The following CDH20 variants were observed in gnomAD, a reference collection of about 807,000 sequenced individuals.
CDH20 encodes the protein cadherin 20.
Under a neutral mutation model 74.2 loss-of-function variants are expected in CDH20, and 29 were observed. The observed-to-expected ratio is 0.39, with a 90% CI of 0.29 to 0.53. CDH20 has a LOEUF of 0.53. CDH20 is among the 20% of genes least tolerant of loss of function. The pLI, the probability that CDH20 is intolerant of heterozygous loss-of-function variation, is 0.69. For synonymous variants in CDH20, 469 were observed against 405.4 expected (o/e 1.16, Z -1.88); for missense variants, 988 against 1,048.3 (o/e 0.94, Z 0.79).
At position 61,403,988 on chromosome 18, in the gene CDH20, A is replaced by G. The variant is rs558761702; in HGVS notation, c.-153+70161A>G. 4.3e-3 allele frequency among the ~76,000 whole-genome samples: 656 copies of G among 152,320 alleles called. 2 individuals carry two copies. The highest frequency in any genetic ancestry group is 0.024 in the Middle Eastern group (7 of 294). ...CTGCAGACTAACGTGGGAACAGAAA[A>G]CCAAACAACACATGTTCTCACTTAT... On this transcript the variant is annotated intron_variant, in intron 1 of 11. Transcript: ENST00000262717.
chr18:61,481,804 C>T (rs1265131634), intron 1 of CDH20, among the ~76,000 whole-genome samples: 1 of 152,104 alleles, frequency 6.6e-6, no homozygotes, highest in Non-Finnish European at 1.5e-5. Context: ...CCATACCCAG[C>T]CTTCCAAAGT....
chr18:61,545,547 G>A (rs963191426), intron 10 of CDH20, among the ~76,000 whole-genome samples: 3 of 152,110 alleles, frequency 2.0e-5, no homozygotes, highest in Non-Finnish European at 2.9e-5. Flanking sequence ...AAGCACAGAG[G>A]CAAAATCCTT....
intron 1 of CDH20, among the ~76,000 whole-genome samples, chr18:61,421,157 CATT>C (rs1912864116): frequency 6.6e-6 from 1 of 152,160 alleles, no homozygotes; most frequent in Non-Finnish European, 1.5e-5. Context: ...TTAAACTTGA[CATT>C]ATTTGATCAA....
intron 1 of CDH20, among the ~76,000 whole-genome samples, chr18:61,464,756 G>A (rs1254073424): frequency 6.6e-6 from 1 of 152,186 alleles, no homozygotes; most frequent in Non-Finnish European, 1.5e-5. Context: ...CTAGGACTAG[G>A]AGGAAACATT....
chr18:61,376,812 C>G (rs1911249971), intron 1 of CDH20, among the ~76,000 whole-genome samples: 1 of 152,038 alleles, frequency 6.6e-6, no homozygotes, highest in Non-Finnish European at 1.5e-5. Flanking sequence ...TAACAGCTTT[C>G]ACAAGGTCAG....
At chr18:61,400,522 T>C (rs756948730) in intron 1 of CDH20, among the ~76,000 whole-genome samples, 20 of 152,176 alleles carry the variant, frequency 1.3e-4, no homozygotes, top group Non-Finnish European at 2.9e-5. Context: ...GGAATGTCTA[T>C]CAAACCTAGA....
At chr18:61,422,667 CTTTTGA>C (rs1329066491) in intron 1 of CDH20, among the ~76,000 whole-genome samples, 1 of 151,734 alleles carries the variant, frequency 6.6e-6, no homozygotes, top group East Asian at 1.9e-4. Context: ...ATACTGTGAG[CTTTTGA>C]TTACATGACA....
At chr18:61,455,379 C>T (rs1909538682) in intron 1 of CDH20, among the ~76,000 whole-genome samples, 1 of 152,072 alleles carries the variant, frequency 6.6e-6, no homozygotes, top group Non-Finnish European at 1.5e-5. Context: ...TTTAATAGAC[C>T]AGTTTGTAAG....
At chr18:61,510,618 CA>C (rs1042491792) in intron 6 of CDH20, among the ~76,000 whole-genome samples, 6 of 152,100 alleles carry the variant, frequency 3.9e-5, no homozygotes, top group African/African-American at 1.4e-4. Context: ...TCAATCACAG[CA>C]AAGGAACAGA....
At chr18:61,360,708 G>T (rs950812838) in intron 1 of CDH20, among the ~76,000 whole-genome samples, 1 of 152,178 alleles carries the variant, frequency 6.6e-6, no homozygotes, top group East Asian at 1.9e-4. Context: ...AATAGTCCAG[G>T]GAGAAGGAAC....
chr18:61,538,596 G>GTTT (rs533711893), intron 8 of CDH20, among the ~76,000 whole-genome samples: 2 of 24,516 alleles, frequency 8.2e-5, no homozygotes, highest in Non-Finnish European at 1.9e-4. Flanking sequence ...TTGTTTGTTT[G>GTTT]TTTTTGTTTT....
At chr18:61,376,343 CA>C (rs1257436178) in intron 1 of CDH20, among the ~76,000 whole-genome samples, 11 of 152,050 alleles carry the variant, frequency 7.2e-5, no homozygotes, top group African/African-American at 2.7e-4. Context: ...CATTTTGATA[CA>C]AAATTTACCT....
At chr18:61,413,370 C>A (rs1470664056) in intron 1 of CDH20, among the ~76,000 whole-genome samples, 1 of 151,922 alleles carries the variant, frequency 6.6e-6, no homozygotes, top group East Asian at 1.9e-4. Context: ...ATTTTTTAAC[C>A]AAAGGATCAA....
chr18:61,366,705 G>T (rs772203430), intron 1 of CDH20, among the ~76,000 whole-genome samples: 7 of 152,056 alleles, frequency 4.6e-5, no homozygotes, highest in Non-Finnish European at 1.5e-5. Flanking sequence ...GCTACTTGAA[G>T]ATTTATAATG....
chr18:61,549,872 C>T, intron 10 of CDH20, 106 bp from the exon 11 acceptor site: 2 of 1,177,254 alleles, frequency 1.7e-6, no homozygotes, highest in Admixed American at 2.0e-5. Flanking sequence ...GAATATCTGA[C>T]TATCCTCTTT....
chr18:61,379,746 G>T (rs1274609868), intron 1 of CDH20, among the ~76,000 whole-genome samples: 1 of 152,102 alleles, frequency 6.6e-6, no homozygotes, highest in African/African-American at 2.4e-5. Flanking sequence ...AAATAGTATT[G>T]TTGGAGTGTC....
chr18:61,407,685 T>C (rs1299191872), intron 1 of CDH20, among the ~76,000 whole-genome samples: 1 of 152,228 alleles, frequency 6.6e-6, no homozygotes, highest in African/African-American at 2.4e-5. Context: ...GTGATAATTC[T>C]TGTTAAAAAT....
intron 1 of CDH20, among the ~76,000 whole-genome samples, chr18:61,461,609 G>A (rs1280837732): frequency 6.6e-6 from 1 of 152,164 alleles, no homozygotes; most frequent in Non-Finnish European, 1.5e-5. Flanking sequence ...AGGGTGTCCA[G>A]GTTCTTGGCA....
At chr18:61,388,837 A>G (rs1911680987) in intron 1 of CDH20, among the ~76,000 whole-genome samples, 1 of 152,180 alleles carries the variant, frequency 6.6e-6, no homozygotes, top group East Asian at 1.9e-4. Flanking sequence ...CTGCTCCTCC[A>G]TCTACTAGGC....
Sources: gnomAD v4.1 joint callset for allele counts (sites outside exome capture counted in the v4.1 genomes callset) on GRCh38, gnomAD v4.1.1 for gene constraint, MANE v1.5 for transcripts, NCBI Gene and HGNC (gene_info 2026-07-23, HGNC 2026-07-21) for gene names.